SEMG1: variants seen among roughly 807,000 people sequenced by gnomAD.
SEMG1 encodes the protein semenogelin-1.
Under a neutral mutation model 8.8 loss-of-function variants are expected in SEMG1, and 6 were observed. That is an observed-to-expected ratio of 0.68 (90% CI 0.37 to 1.35). The LOEUF is 1.35. Among genes scored for constraint, SEMG1 ranks in the 40% most tolerant of loss-of-function variants. The pLI is 0.02. For missense variants in SEMG1, 580 were observed against 533.6 expected, an observed-to-expected ratio of 1.09 and a Z score of -0.86; for synonymous variants, 221 against 190.3, an observed-to-expected ratio of 1.16 and a Z score of -1.33.
intron 2 of SEMG1, 141 bp downstream of exon 2, chr20:45,208,871 T>C: frequency 2.0e-6 from 1 of 495,314 alleles, no homozygotes; most frequent in Non-Finnish European, 3.6e-6. Context: ...AAGATGAGCC[T>C]CCCCATTCCC....
rs767855174 is a variant in SEMG1 at position 45,207,113 on chromosome 20, T to A, written c.60T>A (p.Ala20=). Residue 20 remains alanine, a synonymous_variant, in exon 1 of 3, where the codon GCT becomes GCA. Coordinates refer to ENST00000372781, the MANE Select transcript of SEMG1 (RefSeq NM_003007.5). ...TCCTCATCTTGGAGAAGCAAGCAGC[T>A]GTGATGGGACAAAAAGGTGAGTGGA... ...SLLLILEKQA[A]VMGQKGGSKG... is the part of the protein sequence containing the mutation. 2 of 1,613,800 alleles carry A rather than the reference T, an allele frequency of 1.2e-6. No homozygotes were observed. Among genetic ancestry groups the A allele is most frequent in the South Asian group, 2.2e-5 (2 of 91,062 alleles).
rs1010274394 is a variant in SEMG1, at chr20:45,208,026, A to T, written c.729A>T (p.Gln243His). 8.1e-6 allele frequency: 13 copies of T among 1,614,192 alleles called. No individual in the cohort carries two copies. The highest frequency in any genetic ancestry group is 1.1e-5 in the Non-Finnish European group (13 of 1,180,008). ...AAACCTCACTCTGTCCTGCGCACCA[A>T]GACAAACTCCAACATGGATCCAAAG... ...KVQTSLCPAH[Q>H]DKLQHGSKDI... The change falls in exon 2 of 3, where the codon CAA becomes CAT. Residue 243 changes from glutamine (Q) to histidine (H), a missense_variant. Transcript: ENST00000372781.
Position 45,207,692 on chromosome 20 carries a change from G to A in SEMG1, c.395G>A (p.Gly132Glu), listed in dbSNP as rs752629107. The change falls in exon 2 of 3, where the codon GGA (glycine) becomes GAA (glutamate). Residue 132 changes from glycine to glutamate, a missense_variant. By Grantham distance (98) the Gly-to-Glu change is moderately conservative. Transcript: ENST00000372781. Reference sequence around the variant, plus strand: ...CACAGGGTAGTTATACACCATAAAGGAGGCAAAGCTCATCGTGGGACACAA... The same window carrying A: ...CACAGGGTAGTTATACACCATAAAGAAGGCAAAGCTCATCGTGGGACACAA... The part of the protein sequence containing the change: ...HFHRVVIHHK[G>E]GKAHRGTQNP... 6.2e-7 allele frequency: 1 copy of A among 1,613,948 alleles called. No homozygotes were observed. Among genetic ancestry groups the A allele is most frequent in the Non-Finnish European group, 8.5e-7 (1 of 1,179,904 alleles).
At chr20:45,207,159 G>C in intron 1 of SEMG1, 30 bp downstream of exon 1, 1 of 1,613,314 alleles carries the variant, frequency 6.2e-7, no homozygotes, top group Non-Finnish European at 8.5e-7. Context: ...CTTGGGGAAA[G>C]CTGCTCAGAC....
Position 45,208,054 on chromosome 20 carries a change from A to T in SEMG1, c.757A>T (p.Ile253Phe), listed in dbSNP as rs1568835577. Reference sequence around the variant, plus strand: ...CAAACTCCAACATGGATCCAAAGACATTTTTTCTACCCAAGATGAGCTCCT... The same window carrying T: ...CAAACTCCAACATGGATCCAAAGACTTTTTTTCTACCCAAGATGAGCTCCT... ...QDKLQHGSKD[I>F]FSTQDELLVY... The change falls in exon 2 of 3, where the codon ATT becomes TTT. Residue 253 changes from isoleucine (I) to phenylalanine (F), a missense_variant. Ile to Phe is a conservative substitution (Grantham distance 21). Coordinates refer to ENST00000372781, the MANE Select transcript of SEMG1 (RefSeq NM_003007.5). 1.2e-6 allele frequency: 2 copies of T among 1,614,106 alleles called. No homozygotes were observed. Among genetic ancestry groups the T allele is most frequent in the East Asian group, 4.5e-5 (2 of 44,878 alleles).
In SEMG1 at chr20:45,207,823, A is replaced by T; in HGVS notation, c.526A>T (p.Thr176Ser). 1 of 1,613,798 alleles carries T rather than the reference A, an allele frequency of 6.2e-7. No individual in the cohort carries two copies. Among genetic ancestry groups the T allele is most frequent in the Non-Finnish European group, 8.5e-7 (1 of 1,179,712 alleles). ...GGTTCATGGACTAAGTAAAGAACAA[A>T]CTTCCGTCTCTGGTGCACAAAAAGG... The part of the protein sequence containing the change: ...LWVHGLSKEQ[T>S]SVSGAQKGRK... Residue 176 changes from threonine to serine, a missense_variant, in exon 2 of 3, where the codon ACT becomes TCT. By Grantham distance (58) the Thr-to-Ser change is moderately conservative (BLOSUM62 1). Coordinates refer to ENST00000372781, the MANE Select transcript of SEMG1 (RefSeq NM_003007.5).
Position 45,207,419 on chromosome 20 carries a change from A to G in SEMG1, c.122A>G (p.His41Arg), listed in dbSNP as rs1327624737. ...RLPSEFSQFP[H>R]GQKGQHYSGQ... ...CCAAGTGAATTTTCCCAATTTCCACACGGACAAAAGGGCCAGCACTATTCT... is the reference window on the plus strand; with the variant it reads ...CCAAGTGAATTTTCCCAATTTCCACGCGGACAAAAGGGCCAGCACTATTCT... The change falls in exon 2 of 3, where the codon CAC becomes CGC. Residue 41 changes from histidine (H) to arginine (R), a missense_variant. Physicochemically the swap from His to Arg is conservative, Grantham distance 29. Coordinates refer to ENST00000372781, the MANE Select transcript of SEMG1 (RefSeq NM_003007.5). 6.2e-7 allele frequency: 1 copy of G among 1,611,056 alleles called. No homozygotes were observed.
chr20:45,209,025 A>C (rs1232280699), intron 2 of SEMG1, among the ~76,000 whole-genome samples: 1 of 152,152 alleles, frequency 6.6e-6, no homozygotes, highest in Non-Finnish European at 1.5e-5. Context: ...ACAGGTACTG[A>C]CTACATATGC....
At position 45,208,603 on chromosome 20, in the gene SEMG1, A is replaced by G. The variant is rs778947445; in HGVS notation, c.1306A>G (p.Ile436Val). The G allele has an allele frequency of 6.2e-7, 1 of 1,613,760 alleles. No individual in the cohort carries two copies. The highest frequency in any genetic ancestry group is 8.5e-7 in the Non-Finnish European group (1 of 1,179,864). The change falls in exon 2 of 3, where the codon ATT becomes GTT. Residue 436 changes from isoleucine to valine, a missense_variant. By Grantham distance (29) the Ile-to-Val change is conservative. Transcript: ENST00000372781. ...ACATGGATCTCATGGGGGATTGGAT[A>G]TTGTAATTATAGAGCAGGAAGATGA... ...HQHGSHGGLD[I>V]VIIEQEDDSD...
chr20:45,207,659 G>A lies in SEMG1; in HGVS notation c.362G>A (p.Gly121Asp). Residue 121 changes from glycine to aspartate, a missense_variant, in exon 2 of 3, where the codon GGT becomes GAT. Transcript: ENST00000372781. ...GGCAGAGACCATGATAAATCAAAAG[G>A]TCATTTTCACAGGGTAGTTATACAC... ...QEGRDHDKSK[G>D]HFHRVVIHHK... The A allele has an allele frequency of 6.2e-7, 1 of 1,613,842 alleles. No individual in the cohort carries two copies. The highest frequency in any genetic ancestry group is 1.1e-5 in the South Asian group (1 of 91,066).
At position 45,207,675 on chromosome 20, in the gene SEMG1, A is replaced by C; in HGVS notation, c.378A>C (p.Val126=). 6.2e-7 allele frequency: 1 copy of C among 1,614,002 alleles called. No individual in the cohort carries two copies. The highest frequency in any genetic ancestry group is 8.5e-7 in the Non-Finnish European group (1 of 1,179,886). Residue 126 remains valine, a synonymous_variant, in exon 2 of 3, where the codon GTA becomes GTC. Transcript: ENST00000372781. The stretch of plus-strand genomic sequence containing the variant: ...AATCAAAAGGTCATTTTCACAGGGT[A>C]GTTATACACCATAAAGGAGGCAAAG... The part of the protein sequence containing the change: ...HDKSKGHFHR[V]VIHHKGGKAH...
rs1406294140 is a variant in SEMG1, at chr20:45,207,755, A to C, written c.458A>C (p.Lys153Thr). 6 of 1,613,898 alleles carry C rather than the reference A, an allele frequency of 3.7e-6. No homozygotes were observed. The highest frequency in any genetic ancestry group is 5.1e-6 in the Non-Finnish European group (6 of 1,179,944). ...GATCAGGGGAATAGCCCATCTGGAA[A>C]GGGAATATCCAGTCAATATTCAAAC... ...SQDQGNSPSG[K>T]GISSQYSNTE... Residue 153 changes from lysine (K) to threonine (T), a missense_variant, in exon 2 of 3, where the codon AAG becomes ACG. Physicochemically the swap from Lys to Thr is moderately conservative, Grantham distance 78. Transcript: ENST00000372781.
chr20:45,207,306 T>C (rs538628555), intron 1 of SEMG1, 68 bp from the exon 2 acceptor site: 192 of 1,446,766 alleles, frequency 1.3e-4, no homozygotes, highest in Non-Finnish European at 1.7e-4. Flanking sequence ...GGGGGAAAAG[T>C]GGGGGGTAAG....
rs568964810 is a variant in SEMG1, at chr20:45,209,675, A to G, written c.*119A>G. ...CCGTGTAGTTTCAGATTCTTGGTCC[A>G]TGGATGACACCACCTGCCCATGCTT... On this transcript the variant is annotated 3_prime_UTR_variant, in exon 3 of 3. Transcript: ENST00000372781. The G allele has an allele frequency of 6.6e-6, 1 of 152,212 alleles. No homozygotes were observed. Among genetic ancestry groups the G allele is most frequent in the Admixed American group, 6.6e-5 (1 of 15,266 alleles). 9.4% of individuals were successfully genotyped at this position (152,212 alleles called of 1,614,324 possible). A position where few individuals can be genotyped will look rare whatever the true frequency, so the allele number is the denominator to read the frequency against.
rs1568836209 is a variant in SEMG1 at position 45,208,735 on chromosome 20, T to A, written c.*44+5T>A. The A allele has an allele frequency of 1.7e-6, 2 of 1,203,128 alleles. No homozygotes were observed. The highest frequency in any genetic ancestry group is 3.1e-5 in the African/African-American group (2 of 64,970). The allele number at this position is 1,203,128 out of a possible 1,614,324, so 74.5% of individuals were successfully genotyped here. ...AAAGGATGGACCAATATCAAGGTAA[T>A]TTTTTTTTAGCAAATAGGGGAGATA... On this transcript the variant is annotated splice_donor_5th_base_variant and intron_variant, in intron 2 of 2. Coordinates refer to ENST00000372781, the MANE Select transcript of SEMG1 (RefSeq NM_003007.5).
At position 45,208,537 on chromosome 20, in the gene SEMG1, G is replaced by C. The variant is rs772649571; in HGVS notation, c.1240G>C (p.Glu414Gln). 1 of 1,614,026 alleles carries C rather than the reference G, an allele frequency of 6.2e-7. No individual in the cohort carries two copies. Among genetic ancestry groups the C allele is most frequent in the South Asian group, 1.1e-5 (1 of 91,070 alleles). The stretch of plus-strand genomic sequence containing the variant: ...AGAGTCTGGCCAATCTACAAATAGA[G>C]AACAAGACCTACTCAGTCATGAACA... ...KGESGQSTNR[E>Q]QDLLSHEQKG... Residue 414 changes from glutamate (E) to glutamine (Q), a missense_variant, in exon 2 of 3, where the codon GAA becomes CAA. Physicochemically the swap from Glu to Gln is conservative, Grantham distance 29 (BLOSUM62 2). Coordinates refer to ENST00000372781, the MANE Select transcript of SEMG1 (RefSeq NM_003007.5).
At position 45,208,364 on chromosome 20, in the gene SEMG1, G is replaced by C. The variant is rs139732745; in HGVS notation, c.1067G>C (p.Arg356Thr). 1 of 1,612,690 alleles carries C rather than the reference G, an allele frequency of 6.2e-7. No individual in the cohort carries two copies. Among genetic ancestry groups the C allele is most frequent in the Non-Finnish European group, 8.5e-7 (1 of 1,179,312 alleles). Residue 356 changes from arginine to threonine, a missense_variant, in exon 2 of 3, where the codon AGA (arginine) becomes ACA (threonine). Coordinates refer to ENST00000372781, the MANE Select transcript of SEMG1 (RefSeq NM_003007.5). ...ISYQSSSTEERRLHYGENGVQ... is the reference protein window; with the variant it reads ...ISYQSSSTEETRLHYGENGVQ... The stretch of plus-strand genomic sequence containing the variant: ...TACCAATCTTCAAGTACGGAAGAAA[G>C]ACGACTCCACTATGGAGAAAATGGT...
At position 45,207,418 on chromosome 20, in the gene SEMG1, C is replaced by T; in HGVS notation, c.121C>T (p.His41Tyr). 4 of 1,610,910 alleles carry T rather than the reference C, an allele frequency of 2.5e-6. No homozygotes were observed. The highest frequency in any genetic ancestry group is 1.7e-4 in the Middle Eastern group (1 of 6,032). The change falls in exon 2 of 3, where the codon CAC (histidine) becomes TAC (tyrosine). Residue 41 changes from histidine (H) to tyrosine (Y), a missense_variant. His to Tyr is a moderately conservative substitution (Grantham distance 83). Coordinates refer to ENST00000372781, the MANE Select transcript of SEMG1 (RefSeq NM_003007.5). ...ACCAAGTGAATTTTCCCAATTTCCA[C>T]ACGGACAAAAGGGCCAGCACTATTC... ...RLPSEFSQFP[H>Y]GQKGQHYSGQ...
chr20:45,208,645 G>A lies in SEMG1; in HGVS notation c.1348G>A (p.Ala450Thr), dbSNP rs759104817. ...GGAAGATGACAGTGATCGTCATTTGGCACAACATCTTAACAACGACCGAAA... is the reference window on the plus strand; with the variant it reads ...GGAAGATGACAGTGATCGTCATTTGACACAACATCTTAACAACGACCGAAA... ...EQEDDSDRHL[A>T]QHLNNDRNPL... is the part of the protein sequence containing the mutation. The change falls in exon 2 of 3, where the codon GCA becomes ACA. Residue 450 changes from alanine to threonine, a missense_variant. By Grantham distance (58) the Ala-to-Thr change is moderately conservative (BLOSUM62 0). Coordinates refer to ENST00000372781, the MANE Select transcript of SEMG1 (RefSeq NM_003007.5). 3.1e-6 allele frequency: 5 copies of A among 1,611,968 alleles called. No individual in the cohort carries two copies. Among genetic ancestry groups the A allele is most frequent in the East Asian group, 2.2e-5 (1 of 44,884 alleles).
Sources: allele counts gnomAD v4.1 joint callset (sites outside exome capture counted in the v4.1 genomes callset), GRCh38; gene constraint gnomAD v4.1.1; transcripts MANE v1.5; gene names NCBI Gene and HGNC (gene_info 2026-07-23, HGNC 2026-07-21).